The following WASHC2C variants were observed in gnomAD, a reference collection of about 807,000 sequenced individuals.
WASHC2C encodes the protein Vaccinia Penetration Factor.
A neutral mutation model predicts 142.2 loss-of-function variants in WASHC2C; 73 were observed. The ratio of observed to expected loss-of-function variants is 0.51; its 90% CI spans 0.43 to 0.62. The LOEUF (loss-of-function observed/expected upper bound fraction) is 0.62. WASHC2C is among the 20% of genes least tolerant of loss of function. The pLI, the probability that WASHC2C is intolerant of heterozygous loss-of-function variation, is 0.00. For synonymous variants in WASHC2C, 337 were observed against 565.5 expected (o/e 0.60, Z 5.73); for missense variants, 969 against 1,531.7 (o/e 0.63, Z 6.13).
Position 45,787,790 on chromosome 10 carries a change from C to G in WASHC2C, c.3087+543C>G, listed in dbSNP as rs1420130956. ...TGCTGCCTCCTCACCAGGAATGCCC[C>G]TCTCTGTCCACAGCTGTGCTTCCAC... is the stretch of plus-strand genomic sequence containing the variant. On this transcript the variant is annotated intron_variant, in intron 28 of 30. Transcript: ENST00000623400. 3.9e-5 allele frequency among the ~76,000 whole-genome samples: 6 copies of G among 152,356 alleles called. No homozygotes were observed. The South Asian group carries it at 1.0e-3, about 26-fold the overall frequency.
intron 3 of WASHC2C, among the ~76,000 whole-genome samples, chr10:45,732,042 C>T (rs191467803): frequency 6.6e-6 from 1 of 151,892 alleles, no homozygotes. Context: ...ATGATCCACC[C>T]GCCTTGGCCT....
At chr10:45,771,443 C>G in intron 20 of WASHC2C, 1 of 984,334 alleles carries the variant, frequency 1.0e-6, no homozygotes, top group African/African-American at 1.8e-5. Context: ...AGAGGGCAGA[C>G]ATGGCTCCAC....
At chr10:45,747,088 A>G (rs1364009085) in intron 8 of WASHC2C, among the ~76,000 whole-genome samples, 1 of 152,202 alleles carries the variant, frequency 6.6e-6, no homozygotes, top group African/African-American at 2.4e-5. Context: ...CATAGTGTGC[A>G]TCGTTCATTT....
chr10:45,768,580 G>C (rs1174872199), intron 19 of WASHC2C, among the ~76,000 whole-genome samples: 1 of 152,208 alleles, frequency 6.6e-6, no homozygotes, highest in Non-Finnish European at 1.5e-5. Flanking sequence ...GTGCTTGGGA[G>C]TTCTTTGATT....
At chr10:45,764,400 G>A (rs1176019327) in intron 18 of WASHC2C, among the ~76,000 whole-genome samples, 3 of 151,764 alleles carry the variant, frequency 2.0e-5, no homozygotes, top group Non-Finnish European at 4.4e-5. Flanking sequence ...GTGGACCTGT[G>A]CAGCTCAAAC....
In WASHC2C at chr10:45,792,507, C is replaced by G. The variant is rs1317027255; in HGVS notation, c.*107C>G. 6.7e-7 allele frequency: 1 copy of G among 1,489,662 alleles called. No individual in the cohort carries two copies. The highest frequency in any genetic ancestry group is 9.1e-7 in the Non-Finnish European group (1 of 1,094,932). The allele number at this position is 1,489,662 out of a possible 1,614,324, so 92.3% of individuals were successfully genotyped here. A position where few individuals can be genotyped will look rare whatever the true frequency, so the allele number is the denominator to read the frequency against. ...GGATTACAAAAAGCAAATACTAGAA[C>G]AGCTAGCTCATCTTTTACCCAATGT... On this transcript the variant is annotated 3_prime_UTR_variant, in exon 31 of 31. Transcript: ENST00000623400.
intron 3 of WASHC2C, among the ~76,000 whole-genome samples, chr10:45,732,817 T>A (rs1294338341): frequency 6.6e-6 from 1 of 152,282 alleles, no homozygotes; most frequent in Non-Finnish European, 1.5e-5. Context: ...TTCCCTCCTT[T>A]TCTACTTTTC....
At chr10:45,750,632 C>T (rs1373157177) in intron 9 of WASHC2C, 119 bp from the exon 10 acceptor site, 2 of 1,072,406 alleles carry the variant, frequency 1.9e-6, no homozygotes, top group African/African-American at 3.3e-5. Flanking sequence ...TTTAATTAAA[C>T]TCTGTTTTCT....
chr10:45,769,591 A>T lies in WASHC2C; in HGVS notation c.2012A>T (p.Asp671Val). The T allele has an allele frequency of 5.0e-6, 8 of 1,611,966 alleles. No individual in the cohort carries two copies. Among genetic ancestry groups the T allele is most frequent in the Non-Finnish European group, 6.8e-6 (8 of 1,179,864 alleles). Residue 671 changes from aspartate (D) to valine (V), a missense_variant, in exon 20 of 31, where the codon GAT becomes GTT. Physicochemically the swap from Asp to Val is radical, Grantham distance 152. Transcript: ENST00000623400. ...KTSLFEEDKE[D>V]DLFAIAKDSQ... ...AGTCTCTTTGAGGAAGACAAAGAAG[A>T]TGATCTTTTTGCCATTGCCAAGGAC... is the stretch of plus-strand genomic sequence containing the variant.
chr10:45,787,095 G>GTAAA lies in WASHC2C; in HGVS notation c.2936_2939dup (p.Lys980AsnfsTer14). ...CACAGCGGCTTCCCAGATCTCTGAA[G>GTAAA]TAAAGCCTGTTTTGCCAGAATTGGC... On this transcript the variant is annotated frameshift_variant, in exon 28 of 31. Coordinates refer to ENST00000623400, the MANE Select transcript of WASHC2C (RefSeq NM_001330074.2). LOFTEE classifies it high-confidence loss of function. 6.2e-7 allele frequency: 1 copy of GTAAA among 1,605,926 alleles called. No individual in the cohort carries two copies. Among genetic ancestry groups the GTAAA allele is most frequent in the Non-Finnish European group, 8.5e-7 (1 of 1,176,886 alleles).
chr10:45,732,508 T>C (rs1554862784), intron 3 of WASHC2C, among the ~76,000 whole-genome samples: 1 of 152,240 alleles, frequency 6.6e-6, no homozygotes, highest in African/African-American at 2.4e-5. Flanking sequence ...CCATAGTTAA[T>C]GACTTTAGTT....
intron 3 of WASHC2C, 28 bp from the exon 4 acceptor site, chr10:45,737,955 T>G (rs782349420): frequency 1.2e-6 from 2 of 1,611,778 alleles, no homozygotes; most frequent in African/African-American, 2.7e-5. Context: ...TGTTGACCTT[T>G]TAACATTGAG....
At chr10:45,762,374 G>A (rs1455909777) in intron 17 of WASHC2C, among the ~76,000 whole-genome samples, 2 of 151,730 alleles carry the variant, frequency 1.3e-5, no homozygotes, top group Non-Finnish European at 2.9e-5. Flanking sequence ...CACCACACCT[G>A]GCTAATCTGG....
At chr10:45,731,571 A>G (rs2050585139) in intron 3 of WASHC2C, among the ~76,000 whole-genome samples, 1 of 148,412 alleles carries the variant, frequency 6.7e-6, no homozygotes, top group South Asian at 2.1e-4. Flanking sequence ...CCTTAGTGTT[A>G]AGTCTTGATG....
At chr10:45,754,379 A>G (rs2053985127) in intron 13 of WASHC2C, 107 bp from the exon 14 acceptor site, 29 of 1,575,412 alleles carry the variant, frequency 1.8e-5, no homozygotes, top group Non-Finnish European at 2.5e-5. Context: ...AGTAGTTTCA[A>G]AAGGTCTGGT....
At position 45,753,980 on chromosome 10, in the gene WASHC2C, C is replaced by T. The variant is rs1345145232; in HGVS notation, c.1181-506C>T. Among the ~76,000 whole-genome samples the T allele has an allele frequency of 5.9e-5, 9 of 151,700 alleles. 1 individual carries two copies. Among genetic ancestry groups the T allele is most frequent in the Non-Finnish European group, 7.4e-5 (5 of 67,966 alleles). ...GAGGCCGCTCCTTGTGCCTGCTGTG[C>T]GGGCTGCTAGCCTGGCTCTCCTCTG... On this transcript the variant is annotated intron_variant, in intron 13 of 30. Coordinates refer to ENST00000623400, the MANE Select transcript of WASHC2C (RefSeq NM_001330074.2).
intron 20 of WASHC2C, chr10:45,771,468 A>T: frequency 1.0e-6 from 1 of 984,360 alleles, no homozygotes; most frequent in Non-Finnish European, 1.2e-6. Context: ...ATACCCCAAC[A>T]CCCTCAGCTG....
Position 45,789,528 on chromosome 10 carries a change from G to A in WASHC2C, c.3708+37G>A. Reference sequence around the variant, plus strand: ...TAACACGTTTTTGTGTCTGTTCTAAGTTAAGGAAGGTATCTGATTGGCTTA... The same window carrying A: ...TAACACGTTTTTGTGTCTGTTCTAAATTAAGGAAGGTATCTGATTGGCTTA... On this transcript the variant is annotated intron_variant, in intron 29 of 30. Coordinates refer to ENST00000623400, the MANE Select transcript of WASHC2C (RefSeq NM_001330074.2). 10 of 1,611,492 alleles carry A rather than the reference G, an allele frequency of 6.2e-6. No individual in the cohort carries two copies. In the South Asian group the frequency reaches 6.6e-5, roughly 11 times the overall value.
chr10:45,759,546 G>A (rs1265368287), intron 17 of WASHC2C, 145 bp downstream of exon 17: 1 of 1,469,658 alleles, frequency 6.8e-7, no homozygotes, highest in Non-Finnish European at 9.2e-7. Context: ...GAGGCAAGGA[G>A]TGGTGGTTCA....
Sources: allele counts gnomAD v4.1 joint callset (sites outside exome capture counted in the v4.1 genomes callset), GRCh38; gene constraint gnomAD v4.1.1; transcripts MANE v1.5; gene names NCBI Gene and HGNC (gene_info 2026-07-23, HGNC 2026-07-21).